Variants in PBX4 observed in about 807,000 individuals in gnomAD.
The protein encoded by PBX4 is PBX homeobox 4, also known as pre-B-cell leukemia transcription factor 4.
PBX4 carries 26 observed loss-of-function variants against 35.1 expected under a neutral mutation model. The observed-to-expected ratio is 0.74, with a 90% CI of 0.54 to 1.03. The LOEUF is 1.03. Ranked by LOEUF, PBX4 falls within the 50% of genes least tolerant of loss-of-function variation. The pLI is 0.00. For missense variants in PBX4, 448 were observed against 504.3 expected, an observed-to-expected ratio of 0.89 and a Z score of 1.07; for synonymous variants, 199 against 204.2, an observed-to-expected ratio of 0.97 and a Z score of 0.22.
chr19:19,584,530 C>T (rs923680264), intron 2 of PBX4, among the ~76,000 whole-genome samples: 2 of 152,016 alleles, frequency 1.3e-5, no homozygotes, highest in Admixed American at 6.6e-5. Flanking sequence ...GCTGGAGTAA[C>T]CCAGAGAGTC....
chr19:19,590,468 T>C (rs963334653), intron 2 of PBX4, among the ~76,000 whole-genome samples: 2 of 151,268 alleles, frequency 1.3e-5, no homozygotes, highest in African/African-American at 4.9e-5. Context: ...TTTGTTTTCT[T>C]TCTTTTTTTT....
intron 1 of PBX4, among the ~76,000 whole-genome samples, chr19:19,607,007 C>CA (rs2061635626): frequency 6.6e-6 from 1 of 151,846 alleles, no homozygotes; most frequent in African/African-American, 2.4e-5. Context: ...AACAAACAAA[C>CA]AAAAAACACA....
At chr19:19,584,845 C>T (rs966787468) in intron 2 of PBX4, among the ~76,000 whole-genome samples, 2 of 151,582 alleles carry the variant, frequency 1.3e-5, no homozygotes, top group Non-Finnish European at 2.9e-5. Flanking sequence ...AGGCTGGTCT[C>T]GAGCTCCTGA....
chr19:19,616,682 T>C (rs773015242), intron 1 of PBX4, among the ~76,000 whole-genome samples: 1 of 151,384 alleles, frequency 6.6e-6, no homozygotes, highest in Non-Finnish European at 1.5e-5. Context: ...CTCCCTTTAT[T>C]ATTATTATTA....
At position 19,608,413 on chromosome 19, in the gene PBX4, AAAAAC is replaced by A. The variant is rs1007007161; in HGVS notation, c.120-9053_120-9049del. 114 of 152,850 alleles carry A rather than the reference AAAAAC, an allele frequency of 7.5e-4. 1 individual carries two copies. Among genetic ancestry groups the A allele is most frequent in the Admixed American group, 2.6e-3 (39 of 15,294 alleles). The allele number at this position is 152,850 out of a possible 1,614,324, so 9.5% of individuals were successfully genotyped here. The stretch of plus-strand genomic sequence containing the variant: ...GGGCAACAGAGTGAGACTCCGTCTC[AAAAAC>A]AAAACAAAACAAAACAGAACAAAAC... On this transcript the variant is annotated intron_variant, in intron 1 of 7. Coordinates refer to ENST00000251203, the MANE Select transcript of PBX4 (RefSeq NM_025245.3).
intron 1 of PBX4, among the ~76,000 whole-genome samples, chr19:19,607,345 C>A (rs2061637835): frequency 6.6e-6 from 1 of 152,060 alleles, no homozygotes; most frequent in Non-Finnish European, 1.5e-5. Flanking sequence ...TCAGCCACTG[C>A]GCCTGGCCAC....
intron 1 of PBX4, among the ~76,000 whole-genome samples, chr19:19,603,704 C>T (rs1230441564): frequency 3.3e-5 from 5 of 152,136 alleles, no homozygotes; most frequent in African/African-American, 1.2e-4. Flanking sequence ...CGCCTGTAAT[C>T]CCAGTACTTT....
At chr19:19,585,358 A>T (rs2061482939) in intron 2 of PBX4, among the ~76,000 whole-genome samples, 1 of 152,080 alleles carries the variant, frequency 6.6e-6, no homozygotes. Flanking sequence ...ATAAATCCTT[A>T]TCTTAAGTCA....
chr19:19,563,821 T>G lies in PBX4; in HGVS notation c.926-206A>C. 3 of 499,310 alleles carry G rather than the reference T, an allele frequency of 6.0e-6. No individual in the cohort carries two copies. In the South Asian group the frequency reaches 6.2e-5, roughly 10 times the overall value. The allele number at this position is 499,310 out of a possible 1,614,324, so 30.9% of individuals were successfully genotyped here. A position where few individuals can be genotyped will look rare whatever the true frequency, so the allele number is the denominator to read the frequency against. On this transcript the variant is annotated intron_variant, in intron 6 of 7. Transcript: ENST00000251203. The surrounding 1 kb of genome is among the most constrained non-coding windows in gnomAD (Gnocchi z 5.1). Reference sequence around the variant, plus strand: ...CCCCTCATGGCTTGTCTTTTTTTTTTCTTTTTAAGACAGTCTCGCTCTGTC... The same window carrying G: ...CCCCTCATGGCTTGTCTTTTTTTTTGCTTTTTAAGACAGTCTCGCTCTGTC...
At chr19:19,587,766 C>A (rs1304573531) in intron 2 of PBX4, among the ~76,000 whole-genome samples, 1 of 151,226 alleles carries the variant, frequency 6.6e-6, no homozygotes, top group African/African-American at 2.4e-5. Context: ...AATATTATTT[C>A]TTTTTAGAAG....
chr19:19,605,617 CCCTGTCTCATAAAT>C (rs1164562961), intron 1 of PBX4, among the ~76,000 whole-genome samples: 1 of 151,320 alleles, frequency 6.6e-6, no homozygotes, highest in Non-Finnish European at 1.5e-5. Flanking sequence ...CAGAGTGAGA[CCCTGTCTCATAAAT>C]AAATAAATAA....
chr19:19,582,507 G>A (rs1472164311), intron 2 of PBX4, among the ~76,000 whole-genome samples: 5 of 152,054 alleles, frequency 3.3e-5, no homozygotes, highest in East Asian at 1.9e-4. Context: ...GTCACTGAGC[G>A]GCCCAACTCC....
chr19:19,573,784 C>A (rs1250931205), intron 2 of PBX4, among the ~76,000 whole-genome samples: 1 of 151,916 alleles, frequency 6.6e-6, no homozygotes, highest in African/African-American at 2.4e-5. Context: ...GGCTGGAGTG[C>A]AATAGCACAA....
In PBX4 at chr19:19,565,009, C is replaced by A. The variant is rs145467560; in HGVS notation, c.849G>T (p.Thr283=). 5.6e-6 allele frequency: 9 copies of A among 1,614,204 alleles called. No homozygotes were observed. The highest frequency in any genetic ancestry group is 2.2e-5 in the South Asian group (2 of 91,088). The change falls in exon 6 of 8, where the codon ACG becomes ACT. Residue 283 remains threonine (T), a synonymous_variant. Coordinates refer to ENST00000251203, the MANE Select transcript of PBX4 (RefSeq NM_025245.3). ...GKFQEEATIY[T]GKTAVDTTEV... Reference sequence around the variant, plus strand: ...CCGTGGTATCCACAGCCGTTTTACCCGTGTAAATGGTAGCCTCTTCTTGAA... The same window carrying A: ...CCGTGGTATCCACAGCCGTTTTACCAGTGTAAATGGTAGCCTCTTCTTGAA...
chr19:19,599,491 C>A (rs972308213), intron 1 of PBX4, 126 bp from the exon 2 acceptor site: 1 of 772,996 alleles, frequency 1.3e-6, no homozygotes, highest in Non-Finnish European at 2.2e-6. Flanking sequence ...GTAGATAAGT[C>A]GCCTTATGAA....
chr19:19,582,153 ACTC>A (rs1294241092), intron 2 of PBX4, among the ~76,000 whole-genome samples: 1 of 151,280 alleles, frequency 6.6e-6, no homozygotes, highest in Non-Finnish European at 1.5e-5. Flanking sequence ...GCTGCTGCAC[ACTC>A]CTCTCACCTC....
At chr19:19,588,310 T>G (rs930089887) in intron 2 of PBX4, 5 of 1,102,240 alleles carry the variant, frequency 4.5e-6, no homozygotes, top group South Asian at 1.2e-5. Context: ...GGGACGCACA[T>G]AGGAGTCACA....
chr19:19,584,775 A>G (rs1158346584), intron 2 of PBX4, among the ~76,000 whole-genome samples: 4 of 151,676 alleles, frequency 2.6e-5, no homozygotes, highest in Admixed American at 6.6e-5. Context: ...ATAGGCATGC[A>G]CCACCATGCC....
At chr19:19,569,903 C>G (rs777384641) in intron 4 of PBX4, among the ~76,000 whole-genome samples, 6 of 152,066 alleles carry the variant, frequency 3.9e-5, no homozygotes, top group Non-Finnish European at 7.4e-5. Context: ...GAGTGAGACT[C>G]CGTCTCAAAT....
Sources: gnomAD v4.1 joint callset for allele counts (sites outside exome capture counted in the v4.1 genomes callset) on GRCh38, gnomAD v4.1.1 for gene constraint, Gnocchi (gnomAD v3.1) non-coding constraint, MANE v1.5 for transcripts, NCBI Gene and HGNC (gene_info 2026-07-23, HGNC 2026-07-21) for gene names.